The following CA6 variants were observed in gnomAD, a reference collection of about 807,000 sequenced individuals.
CA6 encodes the protein carbonic anhydrase 6.
In CA6, 28 loss-of-function variants were observed where a neutral mutation model predicts 35.9. That is an observed-to-expected ratio of 0.78 (90% CI 0.58 to 1.07). CA6 has a LOEUF of 1.07. Among genes scored for constraint, CA6 ranks in the 50% least tolerant of loss-of-function variants. CA6 has a pLI of 0.00. For synonymous variants in CA6, 148 were observed against 152.6 expected, an observed-to-expected ratio of 0.97 and a Z score of 0.22; for missense variants, 377 against 382.0, an observed-to-expected ratio of 0.99 and a Z score of 0.11.
intron 1 of CA6, 24 bp downstream of exon 1, chr1:8,945,989 T>TC: frequency 6.6e-7 from 1 of 1,504,578 alleles, no homozygotes; most frequent in Non-Finnish European, 9.2e-7. Flanking sequence ...TTCTGCATGC[T>TC]CCCCCAGTTA....
rs1639352241 is a variant in CA6, at chr1:8,945,978, C to G, written c.79+13C>G. On this transcript the variant is annotated intron_variant, in intron 1 of 7. Transcript: ENST00000377443. The stretch of plus-strand genomic sequence containing the variant: ...TGGACCTACTCAGGTGAGCCCCTAG[C>G]TTCTGCATGCTCCCCCAGTTACCCT... The G allele has an allele frequency of 6.4e-7, 1 of 1,569,146 alleles. No individual in the cohort carries two copies.
intron 5 of CA6, among the ~76,000 whole-genome samples, chr1:8,966,807 C>T (rs1440271022): frequency 6.6e-6 from 1 of 152,036 alleles, no homozygotes; most frequent in African/African-American, 2.4e-5. Flanking sequence ...CTCTCTAGAG[C>T]AGGAGCAGGT....
Position 8,945,954 on chromosome 1 carries a change from G to A in CA6, c.68G>A (p.Trp23Ter). Residue 23 changes from tryptophan (W) to a stop codon, truncating the protein, a stop_gained, in exon 1 of 8, where the codon TGG becomes TAG. Transcript: ENST00000377443. LOFTEE classifies it high-confidence loss of function. ...LGGQAQHVSD[W>*]TYSEGALDEA... ...GGCCAGGCCCAGCATGTGTCTGACT[G>A]GACCTACTCAGGTGAGCCCCTAGCT... 1.2e-6 allele frequency: 2 copies of A among 1,612,558 alleles called. No individual in the cohort carries two copies. The highest frequency in any genetic ancestry group is 8.5e-7 in the Non-Finnish European group (1 of 1,178,738).
At chr1:8,960,789 C>CACAAACATATATATATAT (rs59987426) in intron 4 of CA6, among the ~76,000 whole-genome samples, 2 of 116,878 alleles carry the variant, frequency 1.7e-5, no homozygotes, top group Non-Finnish European at 3.6e-5. Flanking sequence ...CACACACACA[C>CACAAACATATATATATAT]ATATATATAA....
At chr1:8,968,021 G>A (rs1435189697) in intron 6 of CA6, among the ~76,000 whole-genome samples, 2 of 143,488 alleles carry the variant, frequency 1.4e-5, no homozygotes, top group Non-Finnish European at 3.0e-5. Context: ...GGGCTGGAGT[G>A]CAGTGGCACG....
intron 1 of CA6, among the ~76,000 whole-genome samples, chr1:8,948,672 G>A (rs958704288): frequency 1.3e-4 from 20 of 151,878 alleles, no homozygotes; most frequent in Admixed American, 3.9e-4. Flanking sequence ...AAAAATTTAC[G>A]TATAAAACAC....
intron 2 of CA6, among the ~76,000 whole-genome samples, chr1:8,956,666 GA>G (rs60721760): frequency 4.0e-5 from 6 of 151,738 alleles, no homozygotes; most frequent in African/African-American, 7.3e-5. Context: ...GAGTGAGCAT[GA>G]AAAAAAACAA....
intron 7 of CA6, among the ~76,000 whole-genome samples, chr1:8,973,712 CT>C (rs34718211): frequency 2.8e-5 from 2 of 71,446 alleles, no homozygotes; most frequent in Non-Finnish European, 5.8e-5. Context: ...CTTTCTCTCT[CT>C]TTCTTTCTTT....
intron 2 of CA6, among the ~76,000 whole-genome samples, chr1:8,949,854 G>C (rs1639478238): frequency 6.6e-6 from 1 of 152,128 alleles, no homozygotes; most frequent in African/African-American, 2.4e-5. Context: ...TAGGACCAGG[G>C]TTTCTCAGAG....
rs368725454 is a variant in CA6, at chr1:8,967,822, G to A, written c.729+6G>A. 5.0e-6 allele frequency: 8 copies of A among 1,613,238 alleles called. No homozygotes were observed. In the African/African-American group the frequency reaches 5.3e-5, roughly 11 times the overall value. On this transcript the variant is annotated splice_donor_region_variant and intron_variant, in intron 6 of 7. Transcript: ENST00000377443. ...TCAAGCTCTCCAGGACACAGGTAATGTATGGTATCACTTTGCCGAAGTCTT... is the reference window on the plus strand; with the variant it reads ...TCAAGCTCTCCAGGACACAGGTAATATATGGTATCACTTTGCCGAAGTCTT...
At chr1:8,966,986 T>A (rs74050965) in intron 5 of CA6, among the ~76,000 whole-genome samples, 24,465 of 151,424 alleles carry the variant, frequency 0.16, 4,003 homozygotes, top group African/African-American at 0.42. Flanking sequence ...AAAAAAATAA[T>A]AAAAAAAACA....
At chr1:8,946,772 T>C (rs1639375441) in intron 1 of CA6, among the ~76,000 whole-genome samples, 2 of 150,642 alleles carry the variant, frequency 1.3e-5, no homozygotes, top group Non-Finnish European at 2.9e-5. Context: ...CTTTGATCTG[T>C]GGGCTGCCAA....
chr1:8,945,947 TCTGA>T lies in CA6; in HGVS notation c.65_68del (p.Asp22GlyfsTer41), dbSNP rs1308045575. 6.2e-7 allele frequency: 1 copy of T among 1,613,314 alleles called. No individual in the cohort carries two copies. Among genetic ancestry groups the T allele is most frequent in the Non-Finnish European group, 8.5e-7 (1 of 1,179,384 alleles). On this transcript the variant is annotated frameshift_variant, in exon 1 of 8. Coordinates refer to ENST00000377443, the MANE Select transcript of CA6 (RefSeq NM_001215.4). LOFTEE classifies it high-confidence loss of function. ...GCTGGGTGGCCAGGCCCAGCATGTG[TCTGA>T]CTGGACCTACTCAGGTGAGCCCCTA...
At chr1:8,950,727 G>T (rs1639508490) in intron 2 of CA6, among the ~76,000 whole-genome samples, 1 of 152,098 alleles carries the variant, frequency 6.6e-6, no homozygotes, top group African/African-American at 2.4e-5. Flanking sequence ...CATTAGCCAG[G>T]AGTGGTGGTG....
In CA6 at chr1:8,963,885, C is replaced by T. The variant is rs1422251742; in HGVS notation, c.571+1229C>T. 2.6e-5 allele frequency among the ~76,000 whole-genome samples: 4 copies of T among 152,126 alleles called. No individual in the cohort carries two copies. Among genetic ancestry groups the T allele is most frequent in the African/African-American group, 9.7e-5 (4 of 41,418 alleles). On this transcript the variant is annotated intron_variant, in intron 5 of 7. Transcript: ENST00000377443. The surrounding 1 kb of genome is among the most constrained non-coding windows in gnomAD (Gnocchi z 4.1). ...TCATAGCTACAAATATGAACAGTGC[C>T]CAGAAATCCTAAAGTATCACGCTGG... is the stretch of plus-strand genomic sequence containing the variant.
chr1:8,973,710 C>CTCTCTTTCTT (rs1553164134), intron 7 of CA6, among the ~76,000 whole-genome samples: 16 of 106,502 alleles, frequency 1.5e-4, no homozygotes, highest in Admixed American at 2.1e-4. Context: ...TTCTTTCTCT[C>CTCTCTTTCTT]TCTTTCTTTC....
chr1:8,971,464 A>G (rs28617492), intron 7 of CA6, among the ~76,000 whole-genome samples: 2 of 151,200 alleles, frequency 1.3e-5, no homozygotes, highest in Non-Finnish European at 2.9e-5. Flanking sequence ...GGCACCTACC[A>G]CCACGCCCGG....
chr1:8,973,745 T>C (rs1389555117), intron 7 of CA6, among the ~76,000 whole-genome samples: 4 of 19,936 alleles, frequency 2.0e-4, no homozygotes, highest in African/African-American at 1.7e-3. Context: ...TCTTTCTTTC[T>C]TTCTTTCTTT....
chr1:8,954,897 A>C (rs904590595), intron 2 of CA6, among the ~76,000 whole-genome samples: 3 of 152,196 alleles, frequency 2.0e-5, no homozygotes, highest in Admixed American at 2.0e-4. Context: ...AATTAAATTT[A>C]AATTAGATTC....
Sources: allele counts gnomAD v4.1 joint callset (sites outside exome capture counted in the v4.1 genomes callset), GRCh38; gene constraint gnomAD v4.1.1; non-coding constraint Gnocchi (gnomAD v3.1); transcripts MANE v1.5; gene names NCBI Gene and HGNC (gene_info 2026-07-23, HGNC 2026-07-21).